Variants in GGA3 observed in about 807,000 individuals in gnomAD.
GGA3 encodes ADP-ribosylation factor-binding protein GGA3.
GGA3 carries 57 observed loss-of-function variants against 77.5 expected under a neutral mutation model. That is an observed-to-expected ratio of 0.74 (90% confidence interval 0.59 to 0.92). GGA3 has a LOEUF of 0.92. Ranked by LOEUF, GGA3 falls within the 40% of genes least tolerant of loss-of-function variation. The pLI is 0.00. For synonymous variants in GGA3, 416 were observed against 383.7 expected (o/e 1.08, Z -0.98); for missense variants, 970 against 914.9 (o/e 1.06, Z -0.78).
chr17:75,254,436 T>A (rs1315118834), intron 1 of GGA3, among the ~76,000 whole-genome samples: 1 of 152,120 alleles, frequency 6.6e-6, no homozygotes, highest in East Asian at 1.9e-4. Context: ...TTTTTCTTTA[T>A]CCCAAATCAG....
chr17:75,255,031 T>C (rs1304827126), intron 1 of GGA3, among the ~76,000 whole-genome samples: 1 of 152,224 alleles, frequency 6.6e-6, no homozygotes, highest in Non-Finnish European at 1.5e-5. Context: ...TCTTCTCGGC[T>C]TAACGGCTGA....
At chr17:75,257,288 C>CGCCCA (rs1555591689) in intron 1 of GGA3, among the ~76,000 whole-genome samples, 1 of 133,364 alleles carries the variant, frequency 7.5e-6, no homozygotes, top group Admixed American at 7.9e-5. Flanking sequence ...GCCCCCCCCC[C>CGCCCA]CAAAAAAAAC....
Position 75,261,582 on chromosome 17 carries a change from CG to C in GGA3, c.5del (p.Ala2GlyfsTer28). 2 of 1,553,802 alleles carry C rather than the reference CG, an allele frequency of 1.3e-6. No homozygotes were observed. Among genetic ancestry groups the C allele is most frequent in the Non-Finnish European group, 8.7e-7 (1 of 1,152,218 alleles). ...ACTCCAGGCTTTCCCCTTCCGCCTC[CG>C]CCATATTGCAGCCGCCCGGCCCCGC... M[A>X]EAEGESLESW... On this transcript the variant is annotated frameshift_variant, in exon 1 of 17. Coordinates refer to ENST00000537686, the MANE Select transcript of GGA3 (RefSeq NM_138619.4). LOFTEE classifies it high-confidence loss of function.
intron 1 of GGA3, among the ~76,000 whole-genome samples, chr17:75,251,706 C>T (rs1047516353): frequency 1.5e-5 from 1 of 68,230 alleles, no homozygotes; most frequent in Non-Finnish European, 2.8e-5. Context: ...GACTCCTTCT[C>T]AAAAAAAAAA....
chr17:75,248,503 T>TGG (rs1471200648), intron 1 of GGA3, among the ~76,000 whole-genome samples: 2 of 29,730 alleles, frequency 6.7e-5, no homozygotes, highest in Non-Finnish European at 1.8e-4. Context: ...AATCACCAGC[T>TGG]GGGCCGGGTG....
chr17:75,241,888 G>A, intron 8 of GGA3, 192 bp from the exon 9 acceptor site: 2 of 621,436 alleles, frequency 3.2e-6, no homozygotes, highest in Admixed American at 5.3e-5. Context: ...CAGGATGTTT[G>A]TCTAGGTAGC....
chr17:75,253,000 A>G (rs1361171068), intron 1 of GGA3, among the ~76,000 whole-genome samples: 1 of 152,234 alleles, frequency 6.6e-6, no homozygotes. Flanking sequence ...ATAAACAGCC[A>G]TGTTGCTCAC....
chr17:75,254,823 T>G (rs927239019), intron 1 of GGA3, among the ~76,000 whole-genome samples: 1 of 152,132 alleles, frequency 6.6e-6, no homozygotes. Flanking sequence ...CATTCCTCCA[T>G]AACTGCCTCC....
Position 75,246,800 on chromosome 17 carries a change from G to C in GGA3, c.41-4C>G. On this transcript the variant is annotated splice_polypyrimidine_tract_variant and splice_region_variant and intron_variant, in intron 1 of 16. Coordinates refer to ENST00000537686, the MANE Select transcript of GGA3 (RefSeq NM_138619.4). Reference sequence around the variant, plus strand: ...TTGGAAGGATTGGTGGCTTTATCTTGCAACACAACAAAGAAGAGGACAAGT... The same window carrying C: ...TTGGAAGGATTGGTGGCTTTATCTTCCAACACAACAAAGAAGAGGACAAGT... The C allele has an allele frequency of 1.2e-6, 2 of 1,608,648 alleles. No individual in the cohort carries two copies. Among genetic ancestry groups the C allele is most frequent in the Non-Finnish European group, 1.7e-6 (2 of 1,177,676 alleles).
At position 75,240,383 on chromosome 17, in the gene GGA3, GA is replaced by G; in HGVS notation, c.1221del (p.Glu410SerfsTer114). ...LGLADPAPNV[P>X]PKESAGNSQW... Reference sequence around the variant, plus strand: ...TGGCTGTTCCCAGCTGACTCTTTGGGAGGAACATTAGGGGCTGGGTCGGCGA... The same window carrying G: ...TGGCTGTTCCCAGCTGACTCTTTGGGGGAACATTAGGGGCTGGGTCGGCGA... On this transcript the variant is annotated frameshift_variant, in exon 12 of 17. Coordinates refer to ENST00000537686, the MANE Select transcript of GGA3 (RefSeq NM_138619.4). LOFTEE classifies it high-confidence loss of function. 6.2e-7 allele frequency: 1 copy of G among 1,601,544 alleles called. No individual in the cohort carries two copies. Among genetic ancestry groups the G allele is most frequent in the Non-Finnish European group, 8.5e-7 (1 of 1,174,964 alleles).
At position 75,261,571 on chromosome 17, in the gene GGA3, C is replaced by A. The variant is rs750731901; in HGVS notation, c.17G>T (p.Gly6Val). ...ACTGAGCCAGGACTCCAGGCTTTCC[C>A]CTTCCGCCTCCGCCATATTGCAGCC... is the stretch of plus-strand genomic sequence containing the variant. MAEAE[G>V]ESLESWLNKA... The change falls in exon 1 of 17, where the codon GGG (glycine) becomes GTG (valine). Residue 6 changes from glycine (G) to valine (V), a missense_variant. Gly to Val is a moderately radical substitution (Grantham distance 109). Transcript: ENST00000537686. The A allele has an allele frequency of 1.9e-6, 3 of 1,555,052 alleles. No individual in the cohort carries two copies. Among genetic ancestry groups the A allele is most frequent in the Admixed American group, 4.0e-5 (2 of 49,904 alleles).
chr17:75,254,540 C>G (rs919663701), intron 1 of GGA3, among the ~76,000 whole-genome samples: 18 of 152,176 alleles, frequency 1.2e-4, no homozygotes, highest in Non-Finnish European at 4.4e-5. Flanking sequence ...GCCCTAGACC[C>G]TAAGAGGTCA....
intron 1 of GGA3, among the ~76,000 whole-genome samples, chr17:75,250,663 G>A (rs570417444): frequency 1.3e-5 from 2 of 151,330 alleles, no homozygotes; most frequent in East Asian, 3.9e-4. Context: ...CTTGAAGGCT[G>A]AGGCTGGAGA....
Position 75,240,563 on chromosome 17 carries a change from G to A in GGA3, c.1193-151C>T. On this transcript the variant is annotated intron_variant, in intron 11 of 16. Coordinates refer to ENST00000537686, the MANE Select transcript of GGA3 (RefSeq NM_138619.4). ...CTGCAGGCAGCCTCCAGAGGGGAAT[G>A]GAGCGCTCCAGTCCATGATGCAGAA... The A allele has an allele frequency of 4.5e-6, 3 of 666,612 alleles. No homozygotes were observed. The South Asian group carries it at 5.6e-5, about 12-fold the overall frequency. 41.3% of individuals were successfully genotyped at this position (666,612 alleles called of 1,614,324 possible).
intron 3 of GGA3, among the ~76,000 whole-genome samples, chr17:75,244,931 G>A: frequency 6.6e-6 from 1 of 152,156 alleles, no homozygotes; most frequent in East Asian, 1.9e-4. Flanking sequence ...CTCTGCTGGG[G>A]AAGCTGGGCA....
rs1377077877 is a variant in GGA3 at position 75,241,488 on chromosome 17, G to A, written c.858C>T (p.Leu286=). The change falls in exon 10 of 17, where the codon CTC becomes CTT. Residue 286 remains leucine, a synonymous_variant. Coordinates refer to ENST00000537686, the MANE Select transcript of GGA3 (RefSeq NM_138619.4). ...LGDILQASDN[L]SRVINSYKTI... ...TTTTGTAAGAGTTGATGACCCGGGAGAGGTTGTCACTGGCTTGCAGGATGT... is the reference window on the plus strand; with the variant it reads ...TTTTGTAAGAGTTGATGACCCGGGAAAGGTTGTCACTGGCTTGCAGGATGT... The A allele has an allele frequency of 1.9e-6, 3 of 1,613,782 alleles. No individual in the cohort carries two copies. The highest frequency in any genetic ancestry group is 1.7e-6 in the Non-Finnish European group (2 of 1,179,778).
chr17:75,262,348 G>A (rs1386581238), upstream of GGA3: 1 of 853,394 alleles, frequency 1.2e-6, no homozygotes, highest in Non-Finnish European at 1.9e-6. Flanking sequence ...CTTGGGACAA[G>A]GGCCTGAATT....
chr17:75,261,561 C>T lies in GGA3; in HGVS notation c.27G>A (p.Leu9=), dbSNP rs1252241467. The T allele has an allele frequency of 1.9e-6, 3 of 1,554,670 alleles. No individual in the cohort carries two copies. Among genetic ancestry groups the T allele is most frequent in the African/African-American group, 1.4e-5 (1 of 72,510 alleles). MAEAEGES[L]ESWLNKATNP... Reference sequence around the variant, plus strand: ...GCGGCTACTCACTGAGCCAGGACTCCAGGCTTTCCCCTTCCGCCTCCGCCA... The same window carrying T: ...GCGGCTACTCACTGAGCCAGGACTCTAGGCTTTCCCCTTCCGCCTCCGCCA... Residue 9 remains leucine (L), a synonymous_variant, in exon 1 of 17, where the codon CTG becomes CTA. Coordinates refer to ENST00000537686, the MANE Select transcript of GGA3 (RefSeq NM_138619.4).
intron 16 of GGA3, 83 bp downstream of exon 16, chr17:75,238,569 C>CA: frequency 9.4e-7 from 1 of 1,066,844 alleles, no homozygotes; most frequent in African/African-American, 1.6e-5. Flanking sequence ...AAAACACTTC[C>CA]AGCTGGGAGG....
Sources: allele counts gnomAD v4.1 joint callset (sites outside exome capture counted in the v4.1 genomes callset), GRCh38; gene constraint gnomAD v4.1.1; transcripts MANE v1.5; gene names NCBI Gene and HGNC (gene_info 2026-07-23, HGNC 2026-07-21).